The following TCF25 variants were observed in gnomAD, a reference collection of about 807,000 sequenced individuals.
TCF25 encodes ribosome quality control complex subunit TCF25.
Under a neutral mutation model 83.1 loss-of-function variants are expected in TCF25, and 41 were observed. The observed-to-expected ratio is 0.49, with a 90% CI of 0.38 to 0.64. The LOEUF (loss-of-function observed/expected upper bound fraction) is 0.64. Among genes scored for constraint, TCF25 ranks in the 30% least tolerant of loss-of-function variants. TCF25 has a pLI of 0.00. For synonymous variants in TCF25, 458 were observed against 365.0 expected (o/e 1.25, Z -2.90); for missense variants, 979 against 914.5 (o/e 1.07, Z -0.91).
At chr16:89,908,243 TC>T in intron 16 of TCF25, among the ~76,000 whole-genome samples, 1 of 92,750 alleles carries the variant, frequency 1.1e-5, no homozygotes, top group South Asian at 4.1e-4. Context: ...AGTTCCCACC[TC>T]CCAGCTCCCA....
intron 11 of TCF25, 28 bp from the exon 12 acceptor site, chr16:89,900,607 C>T: frequency 3.8e-6 from 6 of 1,558,804 alleles, no homozygotes; most frequent in Non-Finnish European, 5.3e-6. Flanking sequence ...ACTTAAGGCT[C>T]CACGCTCTGT....
intron 2 of TCF25, 117 bp downstream of exon 2, chr16:89,883,629 G>C (rs2042767882): frequency 3.9e-6 from 5 of 1,285,966 alleles, no homozygotes; most frequent in Non-Finnish European, 5.2e-6. Context: ...TTCCATTTTG[G>C]TTACCTGCTA....
intron 15 of TCF25, 83 bp downstream of exon 15, chr16:89,906,367 G>C: frequency 1.4e-6 from 2 of 1,388,514 alleles, no homozygotes; most frequent in Admixed American, 1.9e-5. Context: ...CCACATGCAG[G>C]CGTGCGTGGT....
chr16:89,881,505 G>A (rs916671068), intron 1 of TCF25, among the ~76,000 whole-genome samples: 1 of 147,680 alleles, frequency 6.8e-6, no homozygotes, highest in African/African-American at 2.6e-5. Flanking sequence ...GAGTGCCGTT[G>A]TGTGATCATG....
intron 11 of TCF25, among the ~76,000 whole-genome samples, chr16:89,899,711 A>T (rs1043980418): frequency 1.3e-5 from 2 of 151,896 alleles, no homozygotes; most frequent in African/African-American, 4.8e-5. Context: ...CTGGGCAACC[A>T]GAGTGAAACT....
chr16:89,904,808 G>A, intron 13 of TCF25, 130 bp from the exon 14 acceptor site: 1 of 1,143,212 alleles, frequency 8.7e-7, no homozygotes, highest in Non-Finnish European at 1.3e-6. Context: ...GCAGCCCAGG[G>A]GCCTCCTTTC....
intron 4 of TCF25, among the ~76,000 whole-genome samples, chr16:89,886,655 A>G (rs1216082637): frequency 6.7e-6 from 1 of 149,294 alleles, no homozygotes; most frequent in Non-Finnish European, 1.5e-5. Flanking sequence ...CCAGCTACTC[A>G]GGGGGCTGAG....
chr16:89,884,520 T>G, intron 2 of TCF25, 62 bp from the exon 3 acceptor site: 2 of 1,576,550 alleles, frequency 1.3e-6, no homozygotes, highest in Admixed American at 1.7e-5. Context: ...CTTGCTGCTT[T>G]AATTCTCACT....
rs541797808 is a variant in TCF25 at position 89,904,378 on chromosome 16, G to A, written c.1469+173G>A. On this transcript the variant is annotated intron_variant, in intron 13 of 17. Transcript: ENST00000263346. ...TGGGACGGCTCTGGAGCCCTCATCT[G>A]TGTGGAAAAGTCCAGGTGGGACAGC... The A allele has an allele frequency of 5.9e-5, 41 of 696,032 alleles. No homozygotes were observed. The Middle Eastern group carries it at 1.3e-3, about 21-fold the overall frequency. 43.1% of individuals were successfully genotyped at this position (696,032 alleles called of 1,614,324 possible).
At chr16:89,904,332 C>T (rs2044594761) in intron 13 of TCF25, 127 bp downstream of exon 13, 1 of 1,053,192 alleles carries the variant, frequency 9.5e-7, no homozygotes, top group African/African-American at 1.6e-5. Context: ...TGGTGGCGGC[C>T]TCGGGGACTG....
At chr16:89,893,949 A>C in intron 7 of TCF25, 91 bp downstream of exon 7, 7 of 1,523,236 alleles carry the variant, frequency 4.6e-6, no homozygotes, top group Non-Finnish European at 6.2e-6. Context: ...TGGGGGAGGC[A>C]TGCTGCCTCC....
In TCF25 at chr16:89,883,435, A is replaced by C; in HGVS notation, c.277A>C (p.Asn93His). ...CALTDAVAPG[N>H]KGRGQRGNTE... The stretch of plus-strand genomic sequence containing the variant: ...GCTCACAGACGCTGTGGCACCAGGG[A>C]ACAAAGGAAGGGGTCAGCGTGGAAA... The change falls in exon 2 of 18, where the codon AAC becomes CAC. Residue 93 changes from asparagine to histidine, a missense_variant. Coordinates refer to ENST00000263346, the MANE Select transcript of TCF25 (RefSeq NM_014972.3). The C allele has an allele frequency of 1.2e-6, 2 of 1,613,682 alleles. No individual in the cohort carries two copies. The highest frequency in any genetic ancestry group is 1.7e-6 in the Non-Finnish European group (2 of 1,179,932).
intron 1 of TCF25, 36 bp downstream of exon 1, chr16:89,873,895 G>T: frequency 7.0e-7 from 1 of 1,435,076 alleles, no homozygotes. Context: ...GGGTGGGGTG[G>T]CCCTTGACGT....
chr16:89,900,507 C>A, intron 11 of TCF25, 128 bp from the exon 12 acceptor site: 1 of 1,039,472 alleles, frequency 9.6e-7, no homozygotes, highest in Non-Finnish European at 1.3e-6. Context: ...TAGGAAGAGG[C>A]CCTTGCGTTG....
At chr16:89,908,091 C>T (rs1247572927) in intron 16 of TCF25, among the ~76,000 whole-genome samples, 1 of 144,398 alleles carries the variant, frequency 6.9e-6, no homozygotes, top group Non-Finnish European at 1.5e-5. Context: ...CTCCTCCCTC[C>T]TCCCAGTTCC....
chr16:89,878,621 C>T, intron 1 of TCF25: 1 of 1,137,262 alleles, frequency 8.8e-7, no homozygotes, highest in Non-Finnish European at 1.1e-6. Context: ...AAAATCACAG[C>T]TTTTGGGTAG....
Position 89,911,097 on chromosome 16 carries a change from A to C in TCF25, c.1890A>C (p.Glu630Asp), listed in dbSNP as rs147240441. The C allele has an allele frequency of 1.8e-5, 29 of 1,611,010 alleles. No individual in the cohort carries two copies. Among genetic ancestry groups the C allele is most frequent in the Non-Finnish European group, 2.4e-5 (28 of 1,179,838 alleles). ...TGCTGCAGGGGGAGAGGCCCGAGGA[A>C]GGAGTGGCTGGGGGTCTGAACCGCA... ...NYTMEGERPE[E>D]GVAGGLNRNQ... The change falls in exon 18 of 18, where the codon GAA becomes GAC. Residue 630 changes from glutamate (E) to aspartate (D), a missense_variant. Physicochemically the swap from Glu to Asp is conservative, Grantham distance 45. Coordinates refer to ENST00000263346, the MANE Select transcript of TCF25 (RefSeq NM_014972.3).
rs1449230327 is a variant in TCF25, at chr16:89,906,810, C to T, written c.1720-433C>T. Reference sequence around the variant, plus strand: ...GGGCCCTTATGACCGGCATGGCTGGCTTTGTCTGGGGCTGTGAGCTTCTGA... The same window carrying T: ...GGGCCCTTATGACCGGCATGGCTGGTTTTGTCTGGGGCTGTGAGCTTCTGA... On this transcript the variant is annotated intron_variant, in intron 15 of 17. Transcript: ENST00000263346. Among the ~76,000 whole-genome samples, 5 of 152,140 alleles carry T rather than the reference C, an allele frequency of 3.3e-5. No homozygotes were observed. The East Asian group carries it at 9.6e-4, about 29-fold the overall frequency.
intron 13 of TCF25, chr16:89,904,712 C>T (rs1244213522): frequency 1.5e-5 from 10 of 677,722 alleles, no homozygotes; most frequent in African/African-American, 8.8e-5. Flanking sequence ...ATTTCTGTGA[C>T]GTCAGTCCTG....
Sources: gnomAD v4.1 joint callset for allele counts (sites outside exome capture counted in the v4.1 genomes callset) on GRCh38, gnomAD v4.1.1 for gene constraint, MANE v1.5 for transcripts, NCBI Gene and HGNC (gene_info 2026-07-23, HGNC 2026-07-21) for gene names.